FGD5: variants seen among roughly 807,000 people sequenced by gnomAD.
FGD5 encodes FYVE, RhoGEF and PH domain containing 5.
A neutral mutation model predicts 133.4 loss-of-function variants in FGD5; 28 were observed. The observed-to-expected ratio is 0.21, with a 90% CI of 0.16 to 0.29. FGD5 has a LOEUF of 0.29. FGD5 is among the 10% of genes least tolerant of loss of function. The probability of loss-of-function intolerance (pLI) is 1.00; values close to 1 mark genes in which losing one functional copy is unlikely to be tolerated. For synonymous variants in FGD5, 810 were observed against 776.5 expected (o/e 1.04, Z -0.72); for missense variants, 1,858 against 1,895.2 (o/e 0.98, Z 0.36).
rs192408559 is a variant in FGD5 at position 14,830,240 on chromosome 3, A to G, written c.2525+8644A>G. ...TGAAAATTATTATAATCTCAAAACC[A>G]TCACATCCTAATGCATGTGGCTGTG... is the stretch of plus-strand genomic sequence containing the variant. On this transcript the variant is annotated intron_variant, in intron 1 of 19. Coordinates refer to ENST00000285046, the MANE Select transcript of FGD5 (RefSeq NM_152536.4). Among the ~76,000 whole-genome samples the G allele has an allele frequency of 2.5e-3, 377 of 152,380 alleles. 3 individuals carry two copies. The highest frequency in any genetic ancestry group is 8.4e-3 in the African/African-American group (348 of 41,594).
intron 1 of FGD5, among the ~76,000 whole-genome samples, chr3:14,811,568 C>T (rs2036295302): frequency 6.6e-6 from 1 of 152,204 alleles, no homozygotes; most frequent in Non-Finnish European, 1.5e-5. Flanking sequence ...TCCAGGTTCC[C>T]CCACCCCCAG....
chr3:14,854,957 T>C (rs1347112239), intron 1 of FGD5, among the ~76,000 whole-genome samples: 1 of 152,188 alleles, frequency 6.6e-6, no homozygotes, highest in Non-Finnish European at 1.5e-5. Flanking sequence ...CTAGAACTTA[T>C]TCCTCTTATC....
intron 1 of FGD5, among the ~76,000 whole-genome samples, chr3:14,824,262 C>T (rs183660134): frequency 8.7e-4 from 133 of 152,300 alleles, no homozygotes; most frequent in East Asian, 3.9e-4. Context: ...AGGTTTGAGA[C>T]GCATATCGCC....
chr3:14,862,590 T>C (rs991763311), intron 1 of FGD5, among the ~76,000 whole-genome samples: 15 of 152,062 alleles, frequency 9.9e-5, no homozygotes, highest in African/African-American at 3.6e-4. Context: ...TATACCTTGG[T>C]AGTAGGTATA....
At chr3:14,837,819 C>T (rs1250664857) in intron 1 of FGD5, among the ~76,000 whole-genome samples, 6 of 152,288 alleles carry the variant, frequency 3.9e-5, no homozygotes, top group South Asian at 4.1e-4. Context: ...GTTTCTTTTT[C>T]GGGGCCTCGG....
chr3:14,884,785 G>A (rs894033489), intron 4 of FGD5, among the ~76,000 whole-genome samples: 1 of 152,142 alleles, frequency 6.6e-6, no homozygotes, highest in African/African-American at 2.4e-5. Flanking sequence ...GCAGCCGAAG[G>A]CCCATGGGAA....
chr3:14,904,013 G>T (rs924194887), intron 9 of FGD5, among the ~76,000 whole-genome samples: 1 of 152,178 alleles, frequency 6.6e-6, no homozygotes, highest in African/African-American at 2.4e-5. Flanking sequence ...ATTAGACTGG[G>T]TATATGGCTA....
intron 1 of FGD5, among the ~76,000 whole-genome samples, chr3:14,833,654 G>A (rs1478250068): frequency 6.6e-6 from 1 of 152,144 alleles, no homozygotes; most frequent in Non-Finnish European, 1.5e-5. Flanking sequence ...CTGCCTCAAT[G>A]ATCCCTGAAG....
chr3:14,830,911 C>A (rs1450945734), intron 1 of FGD5, among the ~76,000 whole-genome samples: 1 of 152,098 alleles, frequency 6.6e-6, no homozygotes, highest in African/African-American at 2.4e-5. Flanking sequence ...GAGAGGCAGA[C>A]AGTAAACAGA....
In FGD5 at chr3:14,897,172, A is replaced by G. The variant is rs556607161; in HGVS notation, c.2749-337A>G. 3.9e-5 allele frequency: 10 copies of G among 256,424 alleles called. 1 individual carries two copies. In the South Asian group the frequency reaches 6.8e-4, roughly 18 times the overall value. 15.9% of individuals were successfully genotyped at this position (256,424 alleles called of 1,614,324 possible). The stretch of plus-strand genomic sequence containing the variant: ...AGAAAGCAAAACCTTCTGCTTCGTT[A>G]TAGAAGGAATTACCCAATCTCTCCC... On this transcript the variant is annotated intron_variant, in intron 4 of 19. Transcript: ENST00000285046.
chr3:14,918,761 G>T lies in FGD5; in HGVS notation c.3497G>T (p.Arg1166Leu), dbSNP rs536923009. 1 of 1,613,500 alleles carries T rather than the reference G, an allele frequency of 6.2e-7. No individual in the cohort carries two copies. The highest frequency in any genetic ancestry group is 1.7e-4 in the Middle Eastern group (1 of 6,060). ...TLAVANMKVS[R>L]PVMEKVPYAL... is the part of the protein sequence containing the mutation. The stretch of plus-strand genomic sequence containing the variant: ...CTGCTGTTGGTTTTCCAGGTCAGCC[G>T]CCCTGTGATGGAGAAAGTGCCCTAC... Residue 1166 changes from arginine (R) to leucine (L), a missense_variant, in exon 13 of 20, where the codon CGC (arginine) becomes CTC (leucine). Transcript: ENST00000285046.
chr3:14,826,087 G>C (rs1271618311), intron 1 of FGD5, among the ~76,000 whole-genome samples: 1 of 152,178 alleles, frequency 6.6e-6, no homozygotes, highest in African/African-American at 2.4e-5. Context: ...CATGATAGCA[G>C]TCAGCATTAT....
chr3:14,933,553 T>C lies in FGD5; in HGVS notation c.*386T>C, dbSNP rs550503663. On this transcript the variant is annotated 3_prime_UTR_variant, in exon 20 of 20. Coordinates refer to ENST00000285046, the MANE Select transcript of FGD5 (RefSeq NM_152536.4). ...CAGTTTTTACTCATGATAAATCTTA[T>C]CACCTTTCAAAAATTGATTGTGGTG... 7.4e-5 allele frequency: 15 copies of C among 201,358 alleles called. No individual in the cohort carries two copies. Among genetic ancestry groups the C allele is most frequent in the East Asian group, 1.2e-4 (1 of 8,140 alleles). The allele number at this position is 201,358 out of a possible 1,614,324, so 12.5% of individuals were successfully genotyped here.
chr3:14,840,542 A>G (rs1233332425), intron 1 of FGD5, among the ~76,000 whole-genome samples: 2 of 145,828 alleles, frequency 1.4e-5, no homozygotes, highest in Non-Finnish European at 3.0e-5. Flanking sequence ...TGCTTTTGTT[A>G]CTTTACAGAT....
chr3:14,925,953 T>C (rs1422946403), intron 17 of FGD5, 117 bp from the exon 18 acceptor site: 1 of 1,336,302 alleles, frequency 7.5e-7, no homozygotes, highest in African/African-American at 1.4e-5. Context: ...CCTTATCCAG[T>C]GTCAAAGCAG....
At chr3:14,859,170 A>G (rs1038319216) in intron 1 of FGD5, among the ~76,000 whole-genome samples, 1 of 152,224 alleles carries the variant, frequency 6.6e-6, no homozygotes, top group African/African-American at 2.4e-5. Flanking sequence ...GTACAATGTG[A>G]TGTTTTAGTA....
At chr3:14,872,389 A>C (rs1347780231) in intron 2 of FGD5, among the ~76,000 whole-genome samples, 1 of 152,216 alleles carries the variant, frequency 6.6e-6, no homozygotes, top group Non-Finnish European at 1.5e-5. Flanking sequence ...TATTTCTTAT[A>C]AGGGGTTACA....
Position 14,864,265 on chromosome 3 carries a change from G to A in FGD5, c.2658+5G>A, listed in dbSNP as rs1328194981. 6.2e-7 allele frequency: 1 copy of A among 1,613,900 alleles called. No individual in the cohort carries two copies. The highest frequency in any genetic ancestry group is 8.5e-7 in the Non-Finnish European group (1 of 1,179,832). On this transcript the variant is annotated splice_donor_5th_base_variant and intron_variant, in intron 2 of 19. Coordinates refer to ENST00000285046, the MANE Select transcript of FGD5 (RefSeq NM_152536.4). ...GACCCCAGTGTCACCCACAAGGTAG[G>A]GCACCCCACAGGTAGGCCGTGGGCA...
At chr3:14,821,834 G>A (rs138740764) in intron 1 of FGD5, among the ~76,000 whole-genome samples, 3 of 152,328 alleles carry the variant, frequency 2.0e-5, no homozygotes, top group African/African-American at 7.2e-5. Context: ...GGGCGCAGTG[G>A]CTCATGCCTG....
Sources: allele counts gnomAD v4.1 joint callset (sites outside exome capture counted in the v4.1 genomes callset), GRCh38; gene constraint gnomAD v4.1.1; transcripts MANE v1.5; gene names NCBI Gene and HGNC (gene_info 2026-07-23, HGNC 2026-07-21).